The following PPP1R1C variants were observed in gnomAD, a reference collection of about 807,000 sequenced individuals.
PPP1R1C encodes the protein protein phosphatase 1 regulatory inhibitor subunit 1C, also known as protein phosphatase 1 regulatory subunit 1C.
PPP1R1C carries 15 observed loss-of-function variants against 17.4 expected under a neutral mutation model. The observed-to-expected ratio is 0.86, with a 90% CI of 0.58 to 1.33. The LOEUF (loss-of-function observed/expected upper bound fraction) is 1.33, where lower values mean the gene tolerates loss of function less well. Ranked by LOEUF, PPP1R1C falls within the 40% of genes most tolerant of loss-of-function variation. The pLI is 0.00. For missense variants in PPP1R1C, 143 were observed against 130.0 expected (o/e 1.10, Z -0.48); for synonymous variants, 35 against 43.1 (o/e 0.81, Z 0.73).
At chr2:181,990,263 C>T (rs1348544171) in intron 2 of PPP1R1C, among the ~76,000 whole-genome samples, 1 of 152,000 alleles carries the variant, frequency 6.6e-6, no homozygotes, top group Admixed American at 6.5e-5. Context: ...CTCAGCCTCC[C>T]GAGCAGCTGG....
chr2:182,046,026 A>G (rs940898836), intron 2 of PPP1R1C, among the ~76,000 whole-genome samples: 18 of 152,120 alleles, frequency 1.2e-4, no homozygotes, highest in African/African-American at 4.1e-4. Context: ...AGTGTTTACT[A>G]CAATCAAGCA....
At chr2:182,046,139 T>TCCTTC (rs1376797027) in intron 2 of PPP1R1C, among the ~76,000 whole-genome samples, 1 of 132,264 alleles carries the variant, frequency 7.6e-6, no homozygotes, top group African/African-American at 3.0e-5. Flanking sequence ...CTTCCTTCCT[T>TCCTTC]CTTCCTTCCT....
intron 4 of PPP1R1C, among the ~76,000 whole-genome samples, chr2:182,097,749 C>G (rs1404470692): frequency 1.3e-5 from 2 of 152,182 alleles, no homozygotes; most frequent in Non-Finnish European, 2.9e-5. Context: ...GAATGACTCT[C>G]ATAAAACCTA....
Position 182,117,402 on chromosome 2 carries a change from T to C in PPP1R1C, c.*107T>C. ...GACTTCCAGAAGCATCCTCCATCTC[T>C]GCACCCCACACTCATACAGTAGCTA... is the stretch of plus-strand genomic sequence containing the variant. On this transcript the variant is annotated 3_prime_UTR_variant, in exon 5 of 5. Coordinates refer to ENST00000682840, the MANE Select transcript of PPP1R1C (RefSeq NM_001080545.3). 1.3e-6 allele frequency: 1 copy of C among 759,442 alleles called. No homozygotes were observed. Among genetic ancestry groups the C allele is most frequent in the Non-Finnish European group, 2.2e-6 (1 of 455,152 alleles). The allele number at this position is 759,442 out of a possible 1,614,324, so 47.0% of individuals were successfully genotyped here.
At chr2:182,129,547 A>T (rs1302543017) in exon 6 of PPP1R1C, 4 of 152,068 alleles carry the variant, frequency 2.6e-5, no homozygotes, top group African/African-American at 9.7e-5. Context: ...CCATCCTGCT[A>T]GTAAAGATTT....
intron 4 of PPP1R1C, among the ~76,000 whole-genome samples, chr2:182,067,262 T>A (rs1372238669): frequency 6.6e-6 from 1 of 152,096 alleles, no homozygotes; most frequent in Non-Finnish European, 1.5e-5. Context: ...AGACTTCTGA[T>A]ATGTCAAAAA....
chr2:182,110,321 A>G (rs551292474), intron 4 of PPP1R1C, among the ~76,000 whole-genome samples: 2 of 152,328 alleles, frequency 1.3e-5, no homozygotes. Flanking sequence ...AAAATAAAAT[A>G]TAACTTTAAA....
chr2:182,116,146 G>A (rs1196132676), intron 4 of PPP1R1C, among the ~76,000 whole-genome samples: 1 of 152,050 alleles, frequency 6.6e-6, no homozygotes, highest in Non-Finnish European at 1.5e-5. Flanking sequence ...ATAGATTATT[G>A]TGGAACTGCC....
chr2:181,974,865 CA>C (rs1460301615), intron 1 of PPP1R1C, among the ~76,000 whole-genome samples: 5 of 152,180 alleles, frequency 3.3e-5, no homozygotes, highest in Admixed American at 1.3e-4. Flanking sequence ...AAAGGTTATA[CA>C]TATTTTAAAG....
At chr2:181,964,976 G>C (rs766545077) in intron 1 of PPP1R1C, among the ~76,000 whole-genome samples, 6 of 152,180 alleles carry the variant, frequency 3.9e-5, no homozygotes, top group Non-Finnish European at 5.9e-5. Context: ...AAAATGCTGG[G>C]ATTACAGGCG....
intron 4 of PPP1R1C, among the ~76,000 whole-genome samples, chr2:182,074,190 C>A (rs1688225544): frequency 6.6e-6 from 1 of 151,764 alleles, no homozygotes; most frequent in Non-Finnish European, 1.5e-5. Flanking sequence ...TACAGGCGCC[C>A]GCCATCACGC....
At chr2:182,067,279 T>G (rs763735996) in intron 4 of PPP1R1C, among the ~76,000 whole-genome samples, 15 of 152,168 alleles carry the variant, frequency 9.9e-5, no homozygotes, top group Non-Finnish European at 1.8e-4. Context: ...AAAATACCTT[T>G]GTATGCTTAC....
chr2:182,044,345 C>T (rs1687279728), intron 2 of PPP1R1C, among the ~76,000 whole-genome samples: 1 of 152,070 alleles, frequency 6.6e-6, no homozygotes, highest in Non-Finnish European at 1.5e-5. Context: ...AAATCTTCAA[C>T]CCCTTCTCTC....
chr2:182,100,297 G>A (rs558892875), intron 4 of PPP1R1C, among the ~76,000 whole-genome samples: 1 of 151,968 alleles, frequency 6.6e-6, no homozygotes, highest in South Asian at 2.1e-4. Context: ...GAATCACGAG[G>A]TCAAGAGATT....
intron 5 of PPP1R1C, among the ~76,000 whole-genome samples, chr2:182,126,522 AG>A (rs1222086947): frequency 6.6e-6 from 1 of 152,052 alleles, no homozygotes; most frequent in African/African-American, 2.4e-5. Context: ...TAAAAATGCT[AG>A]GGGGAATGTT....
chr2:182,009,070 T>C (rs530117289), intron 2 of PPP1R1C, among the ~76,000 whole-genome samples: 3 of 152,336 alleles, frequency 2.0e-5, no homozygotes, highest in African/African-American at 4.8e-5. Flanking sequence ...TTGGCTATTA[T>C]GAATAATACT....
At chr2:181,997,649 G>T (rs902228012) in intron 2 of PPP1R1C, among the ~76,000 whole-genome samples, 4 of 152,170 alleles carry the variant, frequency 2.6e-5, no homozygotes, top group African/African-American at 9.7e-5. Flanking sequence ...TAAATTGCAT[G>T]TATTGAATAT....
At chr2:182,033,209 C>G (rs973456251) in intron 2 of PPP1R1C, among the ~76,000 whole-genome samples, 3 of 152,150 alleles carry the variant, frequency 2.0e-5, no homozygotes, top group Admixed American at 2.0e-4. Context: ...TTGCTCTGCT[C>G]CTAAGTTTCC....
At chr2:182,127,174 G>C (rs1358910452) in intron 5 of PPP1R1C, among the ~76,000 whole-genome samples, 1 of 151,998 alleles carries the variant, frequency 6.6e-6, no homozygotes, top group Non-Finnish European at 1.5e-5. Context: ...GCTGAACTTT[G>C]GTGACATAAA....
Sources: gnomAD v4.1 joint callset for allele counts (sites outside exome capture counted in the v4.1 genomes callset) on GRCh38, gnomAD v4.1.1 for gene constraint, MANE v1.5 for transcripts, NCBI Gene and HGNC (gene_info 2026-07-23, HGNC 2026-07-21) for gene names.